Variants in AP4S1 observed in about 807,000 individuals in gnomAD.
The protein encoded by AP4S1 is adaptor related protein complex 4 subunit sigma 1.
In AP4S1, 23 loss-of-function variants were observed where a neutral mutation model predicts 19.8. That is an observed-to-expected ratio of 1.16 (90% CI 0.84 to 1.65). The LOEUF (loss-of-function observed/expected upper bound fraction) is 1.65. Among genes scored for constraint, AP4S1 ranks in the 40% most tolerant of loss-of-function variants. The probability of loss-of-function intolerance (pLI) is 0.00; values close to 1 mark genes in which losing one functional copy is unlikely to be tolerated. For synonymous variants in AP4S1, 46 were observed against 54.1 expected, an observed-to-expected ratio of 0.85 and a Z score of 0.66; for missense variants, 166 against 172.8, an observed-to-expected ratio of 0.96 and a Z score of 0.22.
At chr14:31,050,862 G>T (rs1314028466) in intron 1 of AP4S1, among the ~76,000 whole-genome samples, 1 of 151,964 alleles carries the variant, frequency 6.6e-6, no homozygotes, top group African/African-American at 2.4e-5. Flanking sequence ...ATCTTCTCTG[G>T]ACTGTGATGG....
chr14:31,082,259 A>C (rs1887675961), intron 5 of AP4S1, among the ~76,000 whole-genome samples: 1 of 152,318 alleles, frequency 6.6e-6, no homozygotes, highest in Non-Finnish European at 1.5e-5. Context: ...AGGTTTTAGC[A>C]TGCTGAATAA....
chr14:31,039,160 G>A (rs1270508393), intron 1 of AP4S1, among the ~76,000 whole-genome samples: 1 of 151,990 alleles, frequency 6.6e-6, no homozygotes, highest in Non-Finnish European at 1.5e-5. Flanking sequence ...GAGCCATGGA[G>A]CCTAGCCTTA....
intron 1 of AP4S1, among the ~76,000 whole-genome samples, chr14:31,031,007 A>T (rs1451056242): frequency 6.6e-6 from 1 of 152,026 alleles, no homozygotes; most frequent in African/African-American, 2.4e-5. Context: ...GTGTCAAGGG[A>T]GGGAGGTTAT....
chr14:31,073,414 C>T (rs1236783135), intron 4 of AP4S1, among the ~76,000 whole-genome samples: 5 of 135,268 alleles, frequency 3.7e-5, no homozygotes, highest in Non-Finnish European at 8.2e-5. Flanking sequence ...GGCGTGAACC[C>T]GGGAGGCGGA....
intron 4 of AP4S1, among the ~76,000 whole-genome samples, chr14:31,073,414 C>A (rs1236783135): frequency 7.4e-6 from 1 of 135,284 alleles, no homozygotes; most frequent in African/African-American, 2.6e-5. Context: ...GGCGTGAACC[C>A]GGGAGGCGGA....
intron 1 of AP4S1, among the ~76,000 whole-genome samples, chr14:31,051,025 C>T (rs541456377): frequency 1.3e-5 from 2 of 151,970 alleles, no homozygotes; most frequent in South Asian, 4.2e-4. Context: ...GAGGCTGGAG[C>T]GGGAGGATCG....
intron 2 of AP4S1, 25 bp from the exon 3 acceptor site, chr14:31,069,812 AGGAATT>A: frequency 6.6e-7 from 1 of 1,522,510 alleles, no homozygotes; most frequent in South Asian, 1.1e-5. Flanking sequence ...TCTCAGCCAC[AGGAATT>A]AATATCTCAT....
chr14:31,084,799 TCAGCCCTGGAGCCC>T (rs1887843024), intron 5 of AP4S1: 1 of 1,614,066 alleles, frequency 6.2e-7, no homozygotes. Context: ...CAAAATATGC[TCAGCCCTGGAGCCC>T]CAGCAGACTT....
chr14:31,072,345 G>C (rs1887058018), intron 3 of AP4S1, among the ~76,000 whole-genome samples: 1 of 152,044 alleles, frequency 6.6e-6, no homozygotes, highest in African/African-American at 2.4e-5. Context: ...CAAAGTGGTG[G>C]GGATTACAGG....
chr14:31,028,596 T>TACACACACACACACAC (rs112174443), intron 1 of AP4S1, among the ~76,000 whole-genome samples: 1 of 149,026 alleles, frequency 6.7e-6, no homozygotes, highest in South Asian at 2.1e-4. Flanking sequence ...TACACACACA[T>TACACACACACACACAC]ACACACACAC....
Position 31,065,979 on chromosome 14 carries a change from C to G in AP4S1, c.-71-147C>G. ...CCGGCCTGGTTTTTATTTATTAAAA[C>G]CTCAATTAGTTCATAGGAATAAAGA... On this transcript the variant is annotated intron_variant, in intron 1 of 5. Transcript: ENST00000542754. The G allele has an allele frequency of 1.5e-5, 7 of 454,388 alleles. No homozygotes were observed. In the South Asian group the frequency reaches 1.7e-4, roughly 11 times the overall value. The allele number at this position is 454,388 out of a possible 1,614,324, so 28.1% of individuals were successfully genotyped here.
intron 1 of AP4S1, among the ~76,000 whole-genome samples, chr14:31,045,193 C>T (rs1020487994): frequency 1.3e-5 from 2 of 152,266 alleles, no homozygotes; most frequent in East Asian, 1.9e-4. Flanking sequence ...TGAGCCACCA[C>T]GCCCAGCCTG....
At chr14:31,030,807 C>T (rs1884345976) in intron 1 of AP4S1, among the ~76,000 whole-genome samples, 1 of 152,156 alleles carries the variant, frequency 6.6e-6, no homozygotes, top group South Asian at 2.1e-4. Flanking sequence ...CTCTGGCTTC[C>T]TCAATATTTT....
At chr14:31,081,760 G>T (rs1026679574) in intron 5 of AP4S1, among the ~76,000 whole-genome samples, 1 of 151,392 alleles carries the variant, frequency 6.6e-6, no homozygotes, top group Admixed American at 6.6e-5. Context: ...GTGTGTGTAC[G>T]TGCACAAACA....
Position 31,066,117 on chromosome 14 carries a change from G to T in AP4S1, c.-71-9G>T. On this transcript the variant is annotated splice_polypyrimidine_tract_variant and intron_variant, in intron 1 of 5. Transcript: ENST00000542754. ...TGCCTTTCTGGTTTTGTTTGTTTTT[G>T]TCTTCAAGGTTCCAGTTACAGCCAT... 3 of 1,396,128 alleles carry T rather than the reference G, an allele frequency of 2.1e-6. No homozygotes were observed. The highest frequency in any genetic ancestry group is 3.0e-6 in the Non-Finnish European group (3 of 995,460). 86.5% of individuals were successfully genotyped at this position (1,396,128 alleles called of 1,614,324 possible).
chr14:31,025,145 C>G (rs1247662599), upstream of AP4S1: 1 of 152,070 alleles, frequency 6.6e-6, no homozygotes, highest in African/African-American at 2.4e-5. Context: ...CATCGATCGT[C>G]TGGTTTGGTT....
chr14:31,057,982 T>A (rs1257298234), intron 1 of AP4S1, among the ~76,000 whole-genome samples: 1 of 151,016 alleles, frequency 6.6e-6, no homozygotes, highest in Non-Finnish European at 1.5e-5. Flanking sequence ...CAGGCTGGAG[T>A]GCAGTGGAGT....
At chr14:31,052,934 A>ATTTT (rs1209280743) in intron 1 of AP4S1, among the ~76,000 whole-genome samples, 11 of 101,200 alleles carry the variant, frequency 1.1e-4, no homozygotes, top group Non-Finnish European at 1.3e-4. Context: ...AGTGTGCTAA[A>ATTTT]TTTTTTTTTT....
Position 31,093,138 on chromosome 14 carries a change from A to T in AP4S1, c.*103A>T. 8.3e-7 allele frequency: 1 copy of T among 1,199,378 alleles called. No individual in the cohort carries two copies. Among genetic ancestry groups the T allele is most frequent in the Non-Finnish European group, 1.1e-6 (1 of 876,464 alleles). The allele number at this position is 1,199,378 out of a possible 1,614,324, so 74.3% of individuals were successfully genotyped here. The stretch of plus-strand genomic sequence containing the variant: ...AAGAATCTGGAAGACCACAATTACA[A>T]AATGGGGTATCCTTCCAAAGACATT... On this transcript the variant is annotated 3_prime_UTR_variant, in exon 6 of 6. Transcript: ENST00000542754.
Sources: gnomAD v4.1 joint callset for allele counts (sites outside exome capture counted in the v4.1 genomes callset) on GRCh38, gnomAD v4.1.1 for gene constraint, MANE v1.5 for transcripts, NCBI Gene and HGNC (gene_info 2026-07-23, HGNC 2026-07-21) for gene names.